PARD3B: variants seen among roughly 807,000 people sequenced by gnomAD.
PARD3B encodes the protein partitioning defective 3 homolog B.
PARD3B carries 103 observed loss-of-function variants against 130.2 expected under a neutral mutation model. That is an observed-to-expected ratio of 0.79 (90% confidence interval 0.67 to 0.93). The LOEUF is 0.93. Among genes scored for constraint, PARD3B ranks in the 40% least tolerant of loss-of-function variants. The probability of loss-of-function intolerance (pLI) is 0.00; values close to 1 mark genes in which losing one functional copy is unlikely to be tolerated. For synonymous variants in PARD3B, 583 were observed against 553.2 expected (o/e 1.05, Z -0.76); for missense variants, 1,609 against 1,499.2 (o/e 1.07, Z -1.21).
intron 2 of PARD3B, among the ~76,000 whole-genome samples, chr2:204,716,815 G>A (rs866406926): frequency 2.6e-5 from 4 of 151,858 alleles, no homozygotes; most frequent in Non-Finnish European, 4.4e-5. Flanking sequence ...GTAGAGATGG[G>A]GTTTCACCAT....
At chr2:204,793,923 A>G (rs950235011) in intron 2 of PARD3B, among the ~76,000 whole-genome samples, 1 of 152,208 alleles carries the variant, frequency 6.6e-6, no homozygotes, top group Non-Finnish European at 1.5e-5. Flanking sequence ...ATAGAGAGGC[A>G]TGTTTGCAAG....
At chr2:204,685,870 T>C (rs982866174) in intron 1 of PARD3B, among the ~76,000 whole-genome samples, 2 of 152,216 alleles carry the variant, frequency 1.3e-5, no homozygotes, top group African/African-American at 4.8e-5. Context: ...CAGAGTATTC[T>C]TGGAATTACC....
At chr2:204,819,238 C>A (rs2043249780) in intron 2 of PARD3B, among the ~76,000 whole-genome samples, 1 of 152,210 alleles carries the variant, frequency 6.6e-6, no homozygotes, top group Non-Finnish European at 1.5e-5. Flanking sequence ...TGCCATTTGT[C>A]CAACAGCATG....
intron 19 of PARD3B, among the ~76,000 whole-genome samples, chr2:205,411,722 G>A (rs2046605182): frequency 6.6e-6 from 1 of 152,216 alleles, no homozygotes; most frequent in Admixed American, 6.5e-5. Flanking sequence ...TTGCCCAGCT[G>A]GGAGTCATGC....
Position 205,238,850 on chromosome 2 carries a change from ATAT to A in PARD3B, c.2141-6927_2141-6925del, listed in dbSNP as rs1210721223. Among the ~76,000 whole-genome samples the A allele has an allele frequency of 1.4e-3, 93 of 65,902 alleles. 2 individuals are homozygous for A. The highest frequency in any genetic ancestry group is 4.4e-3 in the African/African-American group (71 of 16,028). The allele number at this position is 65,902 out of a possible 152,430, so 43.2% of individuals were successfully genotyped here. A position where few individuals can be genotyped will look rare whatever the true frequency, so the allele number is the denominator to read the frequency against. ...AACTCCGTTTCAAAAAAAAAAAAAA[ATAT>A]ATATATATATATATATATATATATG... On this transcript the variant is annotated intron_variant, in intron 15 of 22. Transcript: ENST00000406610.
rs1273016961 is a variant in PARD3B, at chr2:205,187,705, A to G, written c.2024+1842A>G. ...CCATTCCTTTGTGAATTGGGGAGAG[A>G]AAAAAGTTTATATTGCTCCTCGCTG... On this transcript the variant is annotated intron_variant, in intron 14 of 22. Transcript: ENST00000406610. The surrounding 1 kb of genome is among the most constrained non-coding windows in gnomAD (Gnocchi z 4.9). Among the ~76,000 whole-genome samples, 1 of 152,158 alleles carries G rather than the reference A, an allele frequency of 6.6e-6. No individual in the cohort carries two copies. Among genetic ancestry groups the G allele is most frequent in the Non-Finnish European group, 1.5e-5 (1 of 68,020 alleles).
At chr2:205,476,957 C>G (rs1271741626) in intron 20 of PARD3B, among the ~76,000 whole-genome samples, 1 of 152,144 alleles carries the variant, frequency 6.6e-6, no homozygotes, top group Non-Finnish European at 1.5e-5. Flanking sequence ...ACATCTGTTA[C>G]TTGTGTATGG....
rs144803772 is a variant in PARD3B, at chr2:205,466,742, C to T, written c.3044+26070C>T. Among the ~76,000 whole-genome samples, 36 of 152,318 alleles carry T rather than the reference C, an allele frequency of 2.4e-4. No individual in the cohort carries two copies. In the East Asian group the frequency reaches 6.6e-3, roughly 28 times the overall value. On this transcript the variant is annotated intron_variant, in intron 20 of 22. Coordinates refer to ENST00000406610, the MANE Select transcript of PARD3B (RefSeq NM_001302769.2). Reference sequence around the variant, plus strand: ...TGTTTTTGTTTTTGAGACGAAGTCTCGCTCTTGTTGCCCAGGCTGGAGTGC... The same window carrying T: ...TGTTTTTGTTTTTGAGACGAAGTCTTGCTCTTGTTGCCCAGGCTGGAGTGC...
At chr2:205,261,200 T>A (rs1182477751) in intron 16 of PARD3B, among the ~76,000 whole-genome samples, 3 of 152,148 alleles carry the variant, frequency 2.0e-5, no homozygotes, top group Non-Finnish European at 4.4e-5. Context: ...TTTTGAGAAT[T>A]GATATATTAT....
intron 2 of PARD3B, among the ~76,000 whole-genome samples, chr2:204,880,707 G>C (rs958002731): frequency 6.7e-6 from 1 of 148,772 alleles, no homozygotes; most frequent in African/African-American, 2.5e-5. Flanking sequence ...CAGAAGCCCT[G>C]TTATCTCCAA....
chr2:205,042,879 A>G (rs1698489867), intron 3 of PARD3B, among the ~76,000 whole-genome samples: 1 of 145,932 alleles, frequency 6.9e-6, no homozygotes, highest in African/African-American at 2.6e-5. Context: ...AACTGTGTGA[A>G]AAAAAAAAAA....
intron 2 of PARD3B, among the ~76,000 whole-genome samples, chr2:204,709,350 A>G (rs1049091771): frequency 6.6e-6 from 1 of 152,270 alleles, no homozygotes; most frequent in Non-Finnish European, 1.5e-5. Flanking sequence ...GAAAACATAA[A>G]TGAAATTCTG....
intron 1 of PARD3B, among the ~76,000 whole-genome samples, chr2:204,630,575 A>T (rs903066420): frequency 2.0e-5 from 3 of 152,144 alleles, no homozygotes; most frequent in South Asian, 4.1e-4. Context: ...ATTTGGATGT[A>T]TATATCTTTA....
At chr2:205,273,754 G>C (rs1355151047) in intron 16 of PARD3B, among the ~76,000 whole-genome samples, 5 of 152,206 alleles carry the variant, frequency 3.3e-5, no homozygotes, top group Non-Finnish European at 7.3e-5. Context: ...TGCCTACCTT[G>C]TGCTGTGTAT....
chr2:205,385,696 C>T (rs1209988201), intron 18 of PARD3B, among the ~76,000 whole-genome samples: 1 of 152,112 alleles, frequency 6.6e-6, no homozygotes, highest in Admixed American at 6.6e-5. Context: ...TGTGTCATTT[C>T]TGACCCCCCT....
At chr2:204,748,581 G>A (rs1237215680) in intron 2 of PARD3B, among the ~76,000 whole-genome samples, 2 of 152,074 alleles carry the variant, frequency 1.3e-5, no homozygotes, top group Non-Finnish European at 2.9e-5. Flanking sequence ...GGCAGTGGTT[G>A]TACAAAGTTA....
chr2:205,128,862 C>A lies in PARD3B; in HGVS notation c.1434+3125C>A, dbSNP rs934186813. Among the ~76,000 whole-genome samples, 1 of 151,936 alleles carries A rather than the reference C, an allele frequency of 6.6e-6. No homozygotes were observed. Among genetic ancestry groups the A allele is most frequent in the African/African-American group, 2.4e-5 (1 of 41,368 alleles). ...GGGATCCAAAATACTGAGTTAAAAA[C>A]AACATTTTTATAACCAGTCAAATTG... On this transcript the variant is annotated intron_variant, in intron 10 of 22. Coordinates refer to ENST00000406610, the MANE Select transcript of PARD3B (RefSeq NM_001302769.2). The surrounding 1 kb of genome is among the most constrained non-coding windows in gnomAD (Gnocchi z 4.5).
intron 4 of PARD3B, among the ~76,000 whole-genome samples, chr2:205,081,643 T>A (rs1407511911): frequency 2.6e-5 from 4 of 152,136 alleles, no homozygotes; most frequent in Non-Finnish European, 5.9e-5. Context: ...ATATTTTTTC[T>A]ACATCTGTTT....
intron 3 of PARD3B, among the ~76,000 whole-genome samples, chr2:204,972,933 G>A (rs1691833571): frequency 6.6e-6 from 1 of 151,868 alleles, no homozygotes; most frequent in African/African-American, 2.4e-5. Context: ...TAGTCCCTAA[G>A]TAGTAAAAAT....
Sources: gnomAD v4.1 joint callset for allele counts (sites outside exome capture counted in the v4.1 genomes callset) on GRCh38, gnomAD v4.1.1 for gene constraint, Gnocchi (gnomAD v3.1) non-coding constraint, MANE v1.5 for transcripts, NCBI Gene and HGNC (gene_info 2026-07-23, HGNC 2026-07-21) for gene names.